The following PRR9 variants were observed in gnomAD, a reference collection of about 807,000 sequenced individuals.
The protein encoded by PRR9 is proline rich 9.
Under a neutral mutation model 2.6 loss-of-function variants are expected in PRR9, and 3 were observed. The ratio of observed to expected loss-of-function variants is 1.15; its 90% CI spans 0.53 to 2.98. The LOEUF (loss-of-function observed/expected upper bound fraction) is 2.98, where lower values mean the gene tolerates loss of function less well. Among genes scored for constraint, PRR9 ranks in the 30% most tolerant of loss-of-function variants. The pLI, the probability that PRR9 is intolerant of heterozygous loss-of-function variation, is 0.03. For synonymous variants in PRR9, 48 were observed against 50.4 expected, an observed-to-expected ratio of 0.95 and a Z score of 0.20; for missense variants, 141 against 132.0, an observed-to-expected ratio of 1.07 and a Z score of -0.33.
rs1657965330 is a variant in PRR9, at chr1:153,218,228, G to A, written c.84G>A (p.Lys28=). 2 of 1,550,708 alleles carry A rather than the reference G, an allele frequency of 1.3e-6. No homozygotes were observed. Residue 28 remains lysine, a synonymous_variant, in exon 2 of 2, where the codon AAG becomes AAA. Coordinates refer to ENST00000368744, the MANE Select transcript of PRR9 (RefSeq NM_001195571.2). ...AGACCCAGGAGCAGTGCCAAGCAAA[G>A]GCTGAGGAGGTGTGCCTCCCCACAT... ...LPKTQEQCQA[K]AEEVCLPTCQ...
Position 153,218,352 on chromosome 1 carries a change from C to A in PRR9, c.208C>A (p.Gln70Lys), listed in dbSNP as rs1432775388. Residue 70 changes from glutamine to lysine, a missense_variant, in exon 2 of 2, where the codon CAA (glutamine) becomes AAA (lysine). Transcript: ENST00000368744. ...SSQEKCPQQG[Q>K]EPYLPPCQDQ... ...TCAAGAAAAATGCCCACAGCAAGGC[C>A]AAGAGCCATACCTACCTCCATGCCA... is the stretch of plus-strand genomic sequence containing the variant. 3 of 1,550,538 alleles carry A rather than the reference C, an allele frequency of 1.9e-6. No individual in the cohort carries two copies. The African/African-American group carries it at 4.1e-5, about 21-fold the overall frequency.
rs1034356356 is a variant in PRR9, at chr1:153,218,524, G to C, written c.*29G>C. ...CTCATATGTCATCTGGGTTCAAGAA[G>C]ATGGCCAGCAGATGAAACCCTGACC... is the stretch of plus-strand genomic sequence containing the variant. On this transcript the variant is annotated 3_prime_UTR_variant, in exon 2 of 2. Coordinates refer to ENST00000368744, the MANE Select transcript of PRR9 (RefSeq NM_001195571.2). The C allele has an allele frequency of 1.5e-5, 22 of 1,505,648 alleles. No homozygotes were observed. The African/African-American group carries it at 3.1e-4, about 21-fold the overall frequency. The allele number at this position is 1,505,648 out of a possible 1,614,324, so 93.3% of individuals were successfully genotyped here.
chr1:153,218,263 C>T lies in PRR9; in HGVS notation c.119C>T (p.Pro40Leu), dbSNP rs114729768. Residue 40 changes from proline to leucine, a missense_variant, in exon 2 of 2, where the codon CCC becomes CTC. Pro to Leu is a moderately conservative substitution (Grantham distance 98). Transcript: ENST00000368744. ...EEVCLPTCQH[P>L]CQDKCLVQAQ... is the part of the protein sequence containing the mutation. Reference sequence around the variant, plus strand: ...GTGTGCCTCCCCACATGCCAGCACCCCTGCCAAGATAAGTGTCTAGTGCAG... The same window carrying T: ...GTGTGCCTCCCCACATGCCAGCACCTCTGCCAAGATAAGTGTCTAGTGCAG... The T allele has an allele frequency of 3.4e-4, 533 of 1,550,598 alleles. 2 individuals are homozygous for T. The African/African-American group carries it at 6.5e-3, about 19-fold the overall frequency.
At chr1:153,217,919 G>A (rs760707569) in intron 1 of PRR9, among the ~76,000 whole-genome samples, 7 of 152,164 alleles carry the variant, frequency 4.6e-5, no homozygotes, top group Non-Finnish European at 7.4e-5. Flanking sequence ...TCCCACTTTG[G>A]AGACAGGTGC....
At chr1:153,217,982 G>T in intron 1 of PRR9, 143 bp from the exon 2 acceptor site, 1 of 635,996 alleles carries the variant, frequency 1.6e-6, no homozygotes, top group East Asian at 2.8e-5. Context: ...AAGCAGCCAA[G>T]AAATTAGTTC....
At position 153,218,490 on chromosome 1, in the gene PRR9, A is replaced by T; in HGVS notation, c.346A>T (p.Lys116Ter). Reference sequence around the variant, plus strand: ...GAAGTGCTCATCCCCTGGCAAGGGAAAGTAGCTGCTCATATGTCATCTGGG... The same window carrying T: ...GAAGTGCTCATCCCCTGGCAAGGGATAGTAGCTGCTCATATGTCATCTGGG... ...QEKCSSPGKG[K>*] is the part of the protein sequence containing the mutation. The change falls in exon 2 of 2, where the codon AAG becomes TAG. Residue 116 changes from lysine (K) to a stop codon, truncating the protein, a stop_gained. Transcript: ENST00000368744. LOFTEE classifies it high-confidence loss of function. 2.6e-6 allele frequency: 4 copies of T among 1,548,736 alleles called. No homozygotes were observed. The highest frequency in any genetic ancestry group is 3.5e-6 in the Non-Finnish European group (4 of 1,145,700).
In PRR9 at chr1:153,218,167, G is replaced by A; in HGVS notation, c.23G>A (p.Cys8Tyr). Residue 8 changes from cysteine to tyrosine, a missense_variant, in exon 2 of 2, where the codon TGC becomes TAC. By Grantham distance (194) the Cys-to-Tyr change is radical. Transcript: ENST00000368744. ...AGGATGTCCTTCAGTGAGCAGCAGT[G>A]CAAGCAGCCATGTGTGCCCCCTCCA... MSFSEQQ[C>Y]KQPCVPPPCL... 3 of 1,549,346 alleles carry A rather than the reference G, an allele frequency of 1.9e-6. No individual in the cohort carries two copies. The highest frequency in any genetic ancestry group is 1.7e-4 in the Middle Eastern group (1 of 5,976).
In PRR9 at chr1:153,218,856, C is replaced by T. The variant is rs1360464236; in HGVS notation, c.*361C>T. 2 of 205,068 alleles carry T rather than the reference C, an allele frequency of 9.8e-6. No homozygotes were observed. Among genetic ancestry groups the T allele is most frequent in the East Asian group, 1.5e-4 (1 of 6,840 alleles). The allele number at this position is 205,068 out of a possible 1,614,324, so 12.7% of individuals were successfully genotyped here. A position where few individuals can be genotyped will look rare whatever the true frequency, so the allele number is the denominator to read the frequency against. Reference sequence around the variant, plus strand: ...TTCATTCATCTTTCAGAGTTTCAGGCTCTCAAATAAGCCTCAAAACAAACT... The same window carrying T: ...TTCATTCATCTTTCAGAGTTTCAGGTTCTCAAATAAGCCTCAAAACAAACT... On this transcript the variant is annotated 3_prime_UTR_variant, in exon 2 of 2. Coordinates refer to ENST00000368744, the MANE Select transcript of PRR9 (RefSeq NM_001195571.2).
Position 153,218,647 on chromosome 1 carries a change from G to A in PRR9, c.*152G>A, listed in dbSNP as rs938837280. ...CTTAGCATTCCAGGACTTGGTCTGT[G>A]TCTCTGAAGACAGTTCTTTCTGTAT... On this transcript the variant is annotated 3_prime_UTR_variant, in exon 2 of 2. Coordinates refer to ENST00000368744, the MANE Select transcript of PRR9 (RefSeq NM_001195571.2). 1.6e-6 allele frequency: 1 copy of A among 624,974 alleles called. No individual in the cohort carries two copies. The highest frequency in any genetic ancestry group is 1.8e-5 in the African/African-American group (1 of 54,122). The allele number at this position is 624,974 out of a possible 1,614,324, so 38.7% of individuals were successfully genotyped here. A position where few individuals can be genotyped will look rare whatever the true frequency, so the allele number is the denominator to read the frequency against.
chr1:153,218,376 C>G lies in PRR9; in HGVS notation c.232C>G (p.Gln78Glu). The change falls in exon 2 of 2, where the codon CAA (glutamine) becomes GAA (glutamate). Residue 78 changes from glutamine to glutamate, a missense_variant. Physicochemically the swap from Gln to Glu is conservative, Grantham distance 29 (BLOSUM62 2). Coordinates refer to ENST00000368744, the MANE Select transcript of PRR9 (RefSeq NM_001195571.2). ...QGQEPYLPPC[Q>E]DQCPPQCAEP... is the part of the protein sequence containing the mutation. ...CCAAGAGCCATACCTACCTCCATGC[C>G]AAGACCAGTGTCCACCTCAGTGTGC... The G allele has an allele frequency of 6.4e-7, 1 of 1,550,676 alleles. No homozygotes were observed. Among genetic ancestry groups the G allele is most frequent in the Non-Finnish European group, 8.7e-7 (1 of 1,147,010 alleles).
In PRR9 at chr1:153,218,863, A is replaced by G. The variant is rs770926367; in HGVS notation, c.*368A>G. 7.4e-5 allele frequency: 15 copies of G among 202,000 alleles called. No homozygotes were observed. The highest frequency in any genetic ancestry group is 1.5e-4 in the Non-Finnish European group (14 of 90,520). 12.5% of individuals were successfully genotyped at this position (202,000 alleles called of 1,614,324 possible). ...ATCTTTCAGAGTTTCAGGCTCTCAA[A>G]TAAGCCTCAAAACAAACTGAATTCT... is the stretch of plus-strand genomic sequence containing the variant. On this transcript the variant is annotated 3_prime_UTR_variant, in exon 2 of 2. Transcript: ENST00000368744.
rs377627159 is a variant in PRR9 at position 153,218,966 on chromosome 1, C to A, written c.*471C>A. The A allele has an allele frequency of 8.8e-5, 15 of 170,530 alleles. No homozygotes were observed. The highest frequency in any genetic ancestry group is 2.0e-4 in the Non-Finnish European group (14 of 70,100). The allele number at this position is 170,530 out of a possible 1,614,324, so 10.6% of individuals were successfully genotyped here. On this transcript the variant is annotated 3_prime_UTR_variant, in exon 2 of 2. Transcript: ENST00000368744. ...ACAGGTGTTGAGACAAAGCGGCTTGCGGTGTTTCAAAAATCAAAAATTTGG... is the reference window on the plus strand; with the variant it reads ...ACAGGTGTTGAGACAAAGCGGCTTGAGGTGTTTCAAAAATCAAAAATTTGG...
intron 1 of PRR9, 43 bp from the exon 2 acceptor site, chr1:153,218,082 A>T (rs1199740696): frequency 3.1e-6 from 4 of 1,299,244 alleles, no homozygotes; most frequent in Non-Finnish European, 1.1e-6. Context: ...TCCCATGCTG[A>T]TATTTTTAAT....
rs1239689900 is a variant in PRR9 at position 153,219,160 on chromosome 1, T to C, written c.*665T>C. 1.5e-4 allele frequency: 26 copies of C among 167,890 alleles called. 2 individuals carry two copies. The Admixed American group carries it at 1.7e-3, about 11-fold the overall frequency. The allele number at this position is 167,890 out of a possible 1,614,324, so 10.4% of individuals were successfully genotyped here. A position where few individuals can be genotyped will look rare whatever the true frequency, so the allele number is the denominator to read the frequency against. ...CTTGTCAATCTCTGTGCTTCATAGC[T>C]GGTCTAATGTGGGCCCTTAGTTCTC... On this transcript the variant is annotated 3_prime_UTR_variant, in exon 2 of 2. Transcript: ENST00000368744.
In PRR9 at chr1:153,218,773, A is replaced by ACAGCTT. The variant is rs1657978727; in HGVS notation, c.*280_*285dup. 2.8e-6 allele frequency: 1 copy of ACAGCTT among 359,670 alleles called. No homozygotes were observed. Among genetic ancestry groups the ACAGCTT allele is most frequent in the African/African-American group, 2.1e-5 (1 of 48,066 alleles). The allele number at this position is 359,670 out of a possible 1,614,324, so 22.3% of individuals were successfully genotyped here. A position where few individuals can be genotyped will look rare whatever the true frequency, so the allele number is the denominator to read the frequency against. On this transcript the variant is annotated 3_prime_UTR_variant, in exon 2 of 2. Coordinates refer to ENST00000368744, the MANE Select transcript of PRR9 (RefSeq NM_001195571.2). ...TCAGGGAAGACCACAGAAGCCTAGC[A>ACAGCTT]CAGCTTCCTTGGTGCAAAAATTCAC...
At chr1:153,218,098 T>C (rs1657961310) in intron 1 of PRR9, 27 bp from the exon 2 acceptor site, 1 of 1,399,302 alleles carries the variant, frequency 7.1e-7, no homozygotes, top group African/African-American at 1.5e-5. Context: ...TTAATACAGA[T>C]AATTTCGAAT....
rs182447127 is a variant in PRR9, at chr1:153,218,392, C to T, written c.248C>T (p.Pro83Leu). 6 of 1,550,664 alleles carry T rather than the reference C, an allele frequency of 3.9e-6. No homozygotes were observed. The East Asian group carries it at 1.5e-4, about 38-fold the overall frequency. Residue 83 changes from proline (P) to leucine (L), a missense_variant, in exon 2 of 2, where the codon CCT (proline) becomes CTT (leucine). Physicochemically the swap from Pro to Leu is moderately conservative, Grantham distance 98. Transcript: ENST00000368744. ...CCTCCATGCCAAGACCAGTGTCCAC[C>T]TCAGTGTGCAGAGCCATGCCAGGAG... ...YLPPCQDQCP[P>L]QCAEPCQELF... is the part of the protein sequence containing the mutation.
rs1657989158 is a variant in PRR9, at chr1:153,219,206, A to T, written c.*711A>T. The T allele has an allele frequency of 6.0e-6, 1 of 167,138 alleles. No individual in the cohort carries two copies. Among genetic ancestry groups the T allele is most frequent in the South Asian group, 2.1e-4 (1 of 4,804 alleles). 10.4% of individuals were successfully genotyped at this position (167,138 alleles called of 1,614,324 possible). On this transcript the variant is annotated 3_prime_UTR_variant, in exon 2 of 2. Transcript: ENST00000368744. ...TTCTCACCATGTACACTCTTTAGAG[A>T]TGTGATTTGTGTCTGTGTGATGCAG...
Position 153,218,185 on chromosome 1 carries a change from C to T in PRR9, c.41C>T (p.Pro14Leu), listed in dbSNP as rs1029015868. The change falls in exon 2 of 2, where the codon CCC (proline) becomes CTC (leucine). Residue 14 changes from proline (P) to leucine (L), a missense_variant. Coordinates refer to ENST00000368744, the MANE Select transcript of PRR9 (RefSeq NM_001195571.2). ...CAGCAGTGCAAGCAGCCATGTGTGC[C>T]CCCTCCATGCCTCCCAAAGACCCAG... ...SEQQCKQPCV[P>L]PPCLPKTQEQ... 4.5e-6 allele frequency: 7 copies of T among 1,550,572 alleles called. No individual in the cohort carries two copies. Among genetic ancestry groups the T allele is most frequent in the Non-Finnish European group, 6.1e-6 (7 of 1,146,888 alleles).
Sources: gnomAD v4.1 joint callset for allele counts (sites outside exome capture counted in the v4.1 genomes callset) on GRCh38, gnomAD v4.1.1 for gene constraint, MANE v1.5 for transcripts, NCBI Gene and HGNC (gene_info 2026-07-23, HGNC 2026-07-21) for gene names.